The following LGSN variants were observed in gnomAD, a reference collection of about 807,000 sequenced individuals.
The protein encoded by LGSN is lengsin, lens protein with glutamine synthetase domain.
Under a neutral mutation model 19.5 loss-of-function variants are expected in LGSN, and 21 were observed. The ratio of observed to expected loss-of-function variants is 1.07; its 90% CI spans 0.76 to 1.55. LGSN has a LOEUF of 1.55. Among genes scored for constraint, LGSN ranks in the 40% most tolerant of loss-of-function variants. The pLI is 0.00. For synonymous variants in LGSN, 257 were observed against 215.6 expected (o/e 1.19, Z -1.68); for missense variants, 673 against 608.5 (o/e 1.11, Z -1.12).
chr6:63,535,430 TGCACTCCAGCCTAG>T, the LGSN span, among the ~76,000 whole-genome samples: 1 of 152,006 alleles, frequency 6.6e-6, no homozygotes, highest in Non-Finnish European at 1.5e-5. Flanking sequence ...ATTGCACCAC[TGCACTCCAGCCTAG>T]GCAACAGAGC....
At chr6:63,340,672 G>A in the LGSN span, among the ~76,000 whole-genome samples, 1 of 147,872 alleles carries the variant, frequency 6.8e-6, no homozygotes. Flanking sequence ...ATCATGAATT[G>A]TTTTTCTGAT....
At chr6:63,435,019 C>T in the LGSN span, among the ~76,000 whole-genome samples, 13 of 152,138 alleles carry the variant, frequency 8.5e-5, no homozygotes, top group African/African-American at 2.9e-4. Context: ...GCAATATGTA[C>T]GCAATTAAGG....
the LGSN span, among the ~76,000 whole-genome samples, chr6:63,534,281 A>G: frequency 4.6e-5 from 7 of 152,194 alleles, no homozygotes; most frequent in Admixed American, 4.6e-4. Flanking sequence ...ACAGAAAGCA[A>G]TATGTTTTTC....
the LGSN span, among the ~76,000 whole-genome samples, chr6:63,418,869 C>T: frequency 3.3e-5 from 5 of 152,178 alleles, no homozygotes; most frequent in Non-Finnish European, 7.4e-5. Context: ...ACAGAAAAAG[C>T]TGTGCCCCAC....
the LGSN span, among the ~76,000 whole-genome samples, chr6:63,412,536 A>AGG: frequency 7.5e-6 from 1 of 133,384 alleles, no homozygotes; most frequent in African/African-American, 3.1e-5. Flanking sequence ...GAAGGAAAGA[A>AGG]AGAAAGAAAG....
Position 63,294,986 on chromosome 6 carries a change from C to G in LGSN, c.90G>C (p.Arg30Ser). 1 of 1,613,650 alleles carries G rather than the reference C, an allele frequency of 6.2e-7. No homozygotes were observed. The highest frequency in any genetic ancestry group is 8.5e-7 in the Non-Finnish European group (1 of 1,179,670). Residue 30 changes from arginine to serine, a missense_variant, in exon 2 of 4, where the codon AGG becomes AGC. Coordinates refer to ENST00000370657, the MANE Select transcript of LGSN (RefSeq NM_016571.3). ...ATGGTTTAGTGACTTTCTTCCTTGTCCTTCTTAATGTGTTCATGCTGTTGG... is the reference window on the plus strand; with the variant it reads ...ATGGTTTAGTGACTTTCTTCCTTGTGCTTCTTAATGTGTTCATGCTGTTGG... ...TEANSMNTLR[R>S]TRKKVTKPYV...
the LGSN span, among the ~76,000 whole-genome samples, chr6:63,411,101 T>C: frequency 1.3e-5 from 2 of 152,170 alleles, no homozygotes; most frequent in African/African-American, 4.8e-5. Flanking sequence ...GCCTCAGGAC[T>C]CCAGAAATAC....
chr6:63,291,108 C>T (rs138548676), intron 2 of LGSN, among the ~76,000 whole-genome samples: 4 of 152,286 alleles, frequency 2.6e-5, no homozygotes, highest in African/African-American at 9.6e-5. Flanking sequence ...GGACATGACT[C>T]ATTTACTCGG....
the LGSN span, among the ~76,000 whole-genome samples, chr6:63,427,563 T>C: frequency 2.0e-5 from 3 of 152,200 alleles, no homozygotes; most frequent in African/African-American, 7.2e-5. Context: ...TTTGAAATGT[T>C]TGGAAAACAA....
the LGSN span, among the ~76,000 whole-genome samples, chr6:63,495,679 G>T: frequency 6.6e-6 from 1 of 151,152 alleles, no homozygotes; most frequent in Non-Finnish European, 1.5e-5. Context: ...TGAACTCCTG[G>T]CCTCAAGAGA....
chr6:63,536,942 C>T, the LGSN span, among the ~76,000 whole-genome samples: 4 of 152,016 alleles, frequency 2.6e-5, no homozygotes, highest in African/African-American at 9.7e-5. Context: ...TGAGGATTGA[C>T]ACTTCAACTG....
At chr6:63,417,395 T>A in the LGSN span, among the ~76,000 whole-genome samples, 1 of 152,152 alleles carries the variant, frequency 6.6e-6, no homozygotes, top group Admixed American at 6.6e-5. Context: ...AGTTTCTAAG[T>A]TTTACTAACT....
At chr6:63,310,205 G>T (rs1768567470) in intron 1 of LGSN, among the ~76,000 whole-genome samples, 1 of 151,970 alleles carries the variant, frequency 6.6e-6, no homozygotes, top group African/African-American at 2.4e-5. Flanking sequence ...CTACTTTTCT[G>T]GCCACAACCA....
the LGSN span, among the ~76,000 whole-genome samples, chr6:63,552,055 C>G: frequency 6.6e-6 from 1 of 152,136 alleles, no homozygotes; most frequent in Non-Finnish European, 1.5e-5. Flanking sequence ...TGGGTGTATA[C>G]CCAGTAATGG....
Position 63,313,394 on chromosome 6 carries a change from C to T in LGSN, c.30+6520G>A, listed in dbSNP as rs150000163. Among the ~76,000 whole-genome samples, 971 of 152,132 alleles carry T rather than the reference C, an allele frequency of 6.4e-3. 10 individuals are homozygous for T. Among genetic ancestry groups the T allele is most frequent in the South Asian group, 0.027 (131 of 4,818 alleles). On this transcript the variant is annotated intron_variant, in intron 1 of 3. Transcript: ENST00000370657. Reference sequence around the variant, plus strand: ...TAGCCCAGGATCTACACCCAGCAGGCACACAAGAAATATTATCAAATGAAA... The same window carrying T: ...TAGCCCAGGATCTACACCCAGCAGGTACACAAGAAATATTATCAAATGAAA...
chr6:63,432,378 T>C, the LGSN span, among the ~76,000 whole-genome samples: 5 of 152,054 alleles, frequency 3.3e-5, no homozygotes, highest in African/African-American at 1.2e-4. Context: ...ATAGGGCTGC[T>C]ATGTGTCAGG....
chr6:63,379,208 T>C, the LGSN span, among the ~76,000 whole-genome samples: 1 of 151,914 alleles, frequency 6.6e-6, no homozygotes, highest in East Asian at 1.9e-4. Flanking sequence ...CTCCTAGTTA[T>C]GGTGTAGCAG....
At chr6:63,508,770 T>A in the LGSN span, among the ~76,000 whole-genome samples, 4 of 151,286 alleles carry the variant, frequency 2.6e-5, no homozygotes, top group African/African-American at 7.3e-5. Flanking sequence ...AACAAAAAAA[T>A]TAGGCGGGCG....
chr6:63,512,601 G>C, the LGSN span, among the ~76,000 whole-genome samples: 1 of 152,156 alleles, frequency 6.6e-6, no homozygotes, highest in Non-Finnish European at 1.5e-5. Flanking sequence ...CATTCATTGT[G>C]CAAAGGGTAT....
Sources: allele counts gnomAD v4.1 joint callset (sites outside exome capture counted in the v4.1 genomes callset), GRCh38; gene constraint gnomAD v4.1.1; transcripts MANE v1.5; gene names NCBI Gene and HGNC (gene_info 2026-07-23, HGNC 2026-07-21).